Variants in PHACTR1 observed in about 807,000 individuals in gnomAD.
PHACTR1 encodes the protein phosphatase and actin regulator 1, also known as RPEL repeat containing 1.
In PHACTR1, 16 loss-of-function variants were observed where a neutral mutation model predicts 69.2. That is an observed-to-expected ratio of 0.23 (90% CI 0.16 to 0.35). PHACTR1 has a LOEUF of 0.35. PHACTR1 is among the 10% of genes least tolerant of loss of function. The probability of loss-of-function intolerance (pLI) is 1.00; values close to 1 mark genes in which losing one functional copy is unlikely to be tolerated. For synonymous variants in PHACTR1, 312 were observed against 284.5 expected, an observed-to-expected ratio of 1.10 and a Z score of -0.97; for missense variants, 510 against 734.7, an observed-to-expected ratio of 0.69 and a Z score of 3.54.
chr6:13,261,268 T>A, intron 10 of PHACTR1, among the ~76,000 whole-genome samples: 1 of 152,158 alleles, frequency 6.6e-6, no homozygotes, highest in Non-Finnish European at 1.5e-5. Flanking sequence ...TGTTCGTTTG[T>A]TGTTGTTTTA....
chr6:13,211,911 T>TA (rs985033630), intron 8 of PHACTR1, among the ~76,000 whole-genome samples: 2 of 152,106 alleles, frequency 1.3e-5, no homozygotes, highest in Admixed American at 6.6e-5. Context: ...GACTGCCATT[T>TA]AAAAACACAC....
chr6:12,992,487 T>C (rs1386138922), intron 4 of PHACTR1, among the ~76,000 whole-genome samples: 2 of 152,212 alleles, frequency 1.3e-5, no homozygotes, highest in East Asian at 3.9e-4. Flanking sequence ...CTCCCAGTTA[T>C]TGCTATCTAA....
At chr6:12,790,394 G>C (rs992334380) in intron 4 of PHACTR1, among the ~76,000 whole-genome samples, 1 of 152,162 alleles carries the variant, frequency 6.6e-6, no homozygotes, top group Non-Finnish European at 1.5e-5. Flanking sequence ...TGCCTGGAAT[G>C]CTCTTTTCCA....
chr6:12,915,791 G>A (rs1051894992), intron 4 of PHACTR1, among the ~76,000 whole-genome samples: 4 of 152,078 alleles, frequency 2.6e-5, no homozygotes, highest in Non-Finnish European at 5.9e-5. Context: ...CATCTGCTTC[G>A]TCACCCCTAC....
intron 4 of PHACTR1, among the ~76,000 whole-genome samples, chr6:12,905,850 G>A (rs190974779): frequency 1.3e-5 from 2 of 152,280 alleles, no homozygotes; most frequent in Admixed American, 1.3e-4. Flanking sequence ...TTCCTACGTG[G>A]CAACATCTCA....
At chr6:13,038,681 T>C (rs1004124831) in intron 4 of PHACTR1, among the ~76,000 whole-genome samples, 6 of 152,162 alleles carry the variant, frequency 3.9e-5, no homozygotes, top group African/African-American at 1.4e-4. Context: ...TAGGATTAGG[T>C]TCAGCTGCAT....
chr6:13,062,974 A>G (rs1424393675), intron 5 of PHACTR1, among the ~76,000 whole-genome samples: 1 of 152,206 alleles, frequency 6.6e-6, no homozygotes, highest in Admixed American at 6.5e-5. Context: ...TGCTTGAAAG[A>G]TGGAGGGTTA....
At chr6:12,972,437 C>T (rs1418781531) in intron 4 of PHACTR1, among the ~76,000 whole-genome samples, 2 of 152,150 alleles carry the variant, frequency 1.3e-5, no homozygotes, top group African/African-American at 4.8e-5. Context: ...TAAAGCAACA[C>T]TAGATTTATT....
At chr6:13,045,549 G>T (rs1027227919) in intron 4 of PHACTR1, among the ~76,000 whole-genome samples, 4 of 152,218 alleles carry the variant, frequency 2.6e-5, no homozygotes, top group Non-Finnish European at 5.9e-5. Context: ...AACCAGTAGA[G>T]CCACCCTCTT....
At position 12,899,045 on chromosome 6, in the gene PHACTR1, C is replaced by T. The variant is rs79026916; in HGVS notation, c.250+149255C>T. ...ATATGCAGCTTCCCTGGTAAAGCCTCCTTTGGTCCCCAGTATCTGTGACAG... is the reference window on the plus strand; with the variant it reads ...ATATGCAGCTTCCCTGGTAAAGCCTTCTTTGGTCCCCAGTATCTGTGACAG... On this transcript the variant is annotated intron_variant, in intron 4 of 14. Transcript: ENST00000332995. Among the ~76,000 whole-genome samples the T allele has an allele frequency of 1.1e-4, 16 of 152,320 alleles. No homozygotes were observed. In the East Asian group the frequency reaches 3.1e-3, roughly 29 times the overall value.
Position 13,283,159 on chromosome 6 carries a change from A to T in PHACTR1, c.1510-263A>T, listed in dbSNP as rs1204410072. On this transcript the variant is annotated intron_variant, in intron 12 of 14. Transcript: ENST00000332995. The surrounding 1 kb of genome is among the most constrained non-coding windows in gnomAD (Gnocchi z 4.7). The stretch of plus-strand genomic sequence containing the variant: ...ATAATAAAAGATTTTTTTTAAGTTT[A>T]AAAAAAAAAAGAGCTTGGCCTAGAG... The T allele has an allele frequency of 7.6e-5, 9 of 117,762 alleles. No homozygotes were observed. Among genetic ancestry groups the T allele is most frequent in the East Asian group, 6.6e-4 (4 of 6,058 alleles). 7.3% of individuals were successfully genotyped at this position (117,762 alleles called of 1,614,324 possible).
intron 4 of PHACTR1, among the ~76,000 whole-genome samples, chr6:12,767,541 T>G (rs913927091): frequency 6.6e-6 from 1 of 152,234 alleles, no homozygotes; most frequent in Non-Finnish European, 1.5e-5. Context: ...CCTGACTTGC[T>G]GCAAGGAGAC....
intron 4 of PHACTR1, among the ~76,000 whole-genome samples, chr6:12,778,537 T>A (rs1362251401): frequency 6.6e-6 from 1 of 152,258 alleles, no homozygotes; most frequent in Non-Finnish European, 1.5e-5. Flanking sequence ...TTCTTGCCTG[T>A]ACTACTTGTT....
intron 4 of PHACTR1, among the ~76,000 whole-genome samples, chr6:12,937,318 T>C (rs1789564718): frequency 6.6e-6 from 1 of 151,966 alleles, no homozygotes. Flanking sequence ...AATGCAGTCA[T>C]TCATTTATTC....
chr6:13,282,863 C>A (rs930262843), intron 12 of PHACTR1, among the ~76,000 whole-genome samples: 10 of 151,580 alleles, frequency 6.6e-5, no homozygotes, highest in Non-Finnish European at 1.5e-4. Context: ...AGACAAGCTT[C>A]TAGTAATGAC....
chr6:12,790,371 CT>C (rs1561885000), intron 4 of PHACTR1, among the ~76,000 whole-genome samples: 1 of 152,172 alleles, frequency 6.6e-6, no homozygotes, highest in African/African-American at 2.4e-5. Context: ...AGGCTTTTCA[CT>C]TTTGTTCCCT....
chr6:13,197,610 A>G (rs1046172581), intron 7 of PHACTR1, among the ~76,000 whole-genome samples: 1 of 151,976 alleles, frequency 6.6e-6, no homozygotes, highest in Non-Finnish European at 1.5e-5. Flanking sequence ...GGTTTGTTAC[A>G]TATGTATACA....
intron 4 of PHACTR1, among the ~76,000 whole-genome samples, chr6:13,035,750 C>G (rs1803208760): frequency 6.6e-6 from 1 of 152,102 alleles, no homozygotes; most frequent in African/African-American, 2.4e-5. Context: ...ACTCATGACT[C>G]TCCATGCTGA....
chr6:13,076,883 C>A (rs1810563862), intron 5 of PHACTR1, among the ~76,000 whole-genome samples: 1 of 140,042 alleles, frequency 7.1e-6, no homozygotes, highest in Non-Finnish European at 1.5e-5. Flanking sequence ...GAGGTCAGGG[C>A]AGAGGGTCAT....
Sources: allele counts gnomAD v4.1 joint callset (sites outside exome capture counted in the v4.1 genomes callset), GRCh38; gene constraint gnomAD v4.1.1; non-coding constraint Gnocchi (gnomAD v3.1); transcripts MANE v1.5; gene names NCBI Gene and HGNC (gene_info 2026-07-23, HGNC 2026-07-21).